CCSER1: variants seen among roughly 807,000 people sequenced by gnomAD.
CCSER1 encodes the protein coiled-coil serine rich protein 1, also known as serine-rich coiled-coil domain-containing protein 1.
A neutral mutation model predicts 82.0 loss-of-function variants in CCSER1; 41 were observed. That is an observed-to-expected ratio of 0.50 (90% CI 0.39 to 0.65). CCSER1 has a LOEUF of 0.65. CCSER1 is among the 30% of genes least tolerant of loss of function. The pLI is 0.00. For synonymous variants in CCSER1, 414 were observed against 383.9 expected (o/e 1.08, Z -0.92); for missense variants, 1,119 against 1,064.2 (o/e 1.05, Z -0.72).
At chr4:91,399,366 T>C (rs1352671256) in intron 10 of CCSER1, among the ~76,000 whole-genome samples, 1 of 151,952 alleles carries the variant, frequency 6.6e-6, no homozygotes, top group Non-Finnish European at 1.5e-5. Flanking sequence ...CTGTTTTATG[T>C]GCCAAGGTGT....
At chr4:90,901,803 C>G (rs1724699586) in intron 8 of CCSER1, among the ~76,000 whole-genome samples, 1 of 151,742 alleles carries the variant, frequency 6.6e-6, no homozygotes, top group Non-Finnish European at 1.5e-5. Context: ...TACAGGTGGT[C>G]TCTGATTTTC....
chr4:90,777,647 A>G (rs552370335), intron 7 of CCSER1, among the ~76,000 whole-genome samples: 31 of 152,266 alleles, frequency 2.0e-4, no homozygotes, highest in African/African-American at 6.7e-4. Flanking sequence ...TGTACAATAT[A>G]GATATTAATA....
At chr4:90,691,778 G>T (rs1187211673) in intron 6 of CCSER1, among the ~76,000 whole-genome samples, 1 of 151,464 alleles carries the variant, frequency 6.6e-6, no homozygotes, top group Admixed American at 6.6e-5. Context: ...CAGGGGTTTG[G>T]CATACGGATT....
intron 9 of CCSER1, among the ~76,000 whole-genome samples, chr4:90,991,821 G>A (rs976784690): frequency 1.3e-5 from 2 of 151,854 alleles, no homozygotes; most frequent in African/African-American, 2.4e-5. Context: ...CCTTTTTTCA[G>A]CGAAGATTCT....
intron 9 of CCSER1, among the ~76,000 whole-genome samples, chr4:91,028,195 G>C (rs777554545): frequency 6.6e-6 from 1 of 151,852 alleles, no homozygotes; most frequent in Non-Finnish European, 1.5e-5. Context: ...TTTATGTTAA[G>C]ATATACAATG....
At chr4:90,665,375 G>A (rs1049486161) in intron 6 of CCSER1, among the ~76,000 whole-genome samples, 4 of 150,914 alleles carry the variant, frequency 2.7e-5, no homozygotes, top group African/African-American at 9.8e-5. Context: ...AGGCTGGAGT[G>A]CAGTGGCGTG....
intron 3 of CCSER1, among the ~76,000 whole-genome samples, chr4:90,331,680 G>A (rs1439300244): frequency 6.6e-6 from 1 of 151,954 alleles, no homozygotes; most frequent in Non-Finnish European, 1.5e-5. Flanking sequence ...AGAAGTGAGG[G>A]GATATAATTG....
intron 10 of CCSER1, among the ~76,000 whole-genome samples, chr4:91,173,376 C>T (rs148108675): frequency 0.011 from 1,667 of 152,148 alleles, 37 homozygotes; most frequent in African/African-American, 0.036. Context: ...GTGCGGATCA[C>T]GAGGTCAGGA....
intron 10 of CCSER1, among the ~76,000 whole-genome samples, chr4:91,163,656 C>T (rs565934722): frequency 1.3e-4 from 20 of 152,202 alleles, no homozygotes; most frequent in African/African-American, 2.6e-4. Context: ...TAGCTCTTCT[C>T]GTTGAATTGA....
intron 5 of CCSER1, among the ~76,000 whole-genome samples, chr4:90,609,477 T>A (rs926835304): frequency 9.0e-6 from 1 of 110,752 alleles, no homozygotes; most frequent in African/African-American, 6.4e-5. Flanking sequence ...AGTTTTCCTT[T>A]TGATAGAACA....
chr4:91,464,781 G>A (rs913275926), intron 10 of CCSER1, among the ~76,000 whole-genome samples: 2 of 152,112 alleles, frequency 1.3e-5, no homozygotes, highest in African/African-American at 2.4e-5. Context: ...ATGGTAAAGG[G>A]ATCAATTCAA....
rs748010227 is a variant in CCSER1 at position 91,107,195 on chromosome 4, A to G, written c.2217+21201A>G. 8.2e-4 allele frequency among the ~76,000 whole-genome samples: 125 copies of G among 152,282 alleles called. 2 individuals carry two copies. Among genetic ancestry groups the G allele is most frequent in the Admixed American group, 6.5e-4 (10 of 15,296 alleles). ...GCCTAGGTGTATAGTAGCCTATGCC[A>G]TCTAGGTTTGTGTAAGTCGAATCTT... On this transcript the variant is annotated intron_variant, in intron 10 of 10. Coordinates refer to ENST00000509176, the MANE Select transcript of CCSER1 (RefSeq NM_001145065.2).
At chr4:91,451,941 G>C (rs1276498291) in intron 10 of CCSER1, among the ~76,000 whole-genome samples, 1 of 151,924 alleles carries the variant, frequency 6.6e-6, no homozygotes, top group Non-Finnish European at 1.5e-5. Context: ...ATCCAAAAAG[G>C]TACTCTGGAC....
intron 10 of CCSER1, among the ~76,000 whole-genome samples, chr4:91,377,269 A>G (rs925068601): frequency 8.5e-5 from 13 of 152,198 alleles, no homozygotes; most frequent in African/African-American, 1.2e-4. Flanking sequence ...ATACCCAGTA[A>G]TGAGACAGCT....
At chr4:90,240,686 A>G (rs1303670156) in intron 1 of CCSER1, among the ~76,000 whole-genome samples, 1 of 152,246 alleles carries the variant, frequency 6.6e-6, no homozygotes, top group Non-Finnish European at 1.5e-5. Flanking sequence ...ATTGCCTTAC[A>G]TTTAGGTGCT....
chr4:90,382,278 A>G (rs1304301207), intron 3 of CCSER1, among the ~76,000 whole-genome samples: 1 of 152,056 alleles, frequency 6.6e-6, no homozygotes, highest in Non-Finnish European at 1.5e-5. Context: ...TTTAGATGAA[A>G]TGAATATTGA....
At chr4:91,344,243 A>T (rs2149291070) in intron 10 of CCSER1, among the ~76,000 whole-genome samples, 1 of 152,306 alleles carries the variant, frequency 6.6e-6, no homozygotes, top group East Asian at 1.9e-4. Flanking sequence ...TCTGAAGAAT[A>T]AGGCCCCCAC....
At chr4:90,615,125 C>T (rs563294816) in intron 5 of CCSER1, among the ~76,000 whole-genome samples, 1 of 152,030 alleles carries the variant, frequency 6.6e-6, no homozygotes, top group African/African-American at 2.4e-5. Context: ...ATTTTAAGCC[C>T]ACTGTTGAAA....
intron 10 of CCSER1, among the ~76,000 whole-genome samples, chr4:91,264,980 G>C (rs1741464957): frequency 6.6e-6 from 1 of 151,688 alleles, no homozygotes; most frequent in African/African-American, 2.4e-5. Flanking sequence ...TCTGTTGTTT[G>C]GCTAAAATGA....
Sources: gnomAD v4.1 joint callset for allele counts (sites outside exome capture counted in the v4.1 genomes callset) on GRCh38, gnomAD v4.1.1 for gene constraint, MANE v1.5 for transcripts, NCBI Gene and HGNC (gene_info 2026-07-23, HGNC 2026-07-21) for gene names.